KCNIP1: variants seen among roughly 807,000 people sequenced by gnomAD.
KCNIP1 encodes A-type potassium channel modulatory protein KCNIP1.
Under a neutral mutation model 33.0 loss-of-function variants are expected in KCNIP1, and 18 were observed. The ratio of observed to expected loss-of-function variants is 0.55; its 90% CI spans 0.38 to 0.81. KCNIP1 has a LOEUF of 0.81. KCNIP1 is among the 30% of genes least tolerant of loss of function. The pLI is 0.00. For synonymous variants in KCNIP1, 93 were observed against 98.3 expected, an observed-to-expected ratio of 0.95 and a Z score of 0.32; for missense variants, 238 against 271.6, an observed-to-expected ratio of 0.88 and a Z score of 0.87.
chr5:170,637,739 T>C (rs1760346668), intron 1 of KCNIP1, among the ~76,000 whole-genome samples: 3 of 152,112 alleles, frequency 2.0e-5, no homozygotes. Flanking sequence ...GCTCCTCCTG[T>C]TCGCGCTACA....
intron 1 of KCNIP1, among the ~76,000 whole-genome samples, chr5:170,563,164 C>T (rs970564018): frequency 3.9e-5 from 6 of 152,226 alleles, no homozygotes; most frequent in African/African-American, 1.4e-4. Context: ...CCCACTCCTC[C>T]AGAGTGCAGA....
At chr5:170,673,273 C>G (rs1368737630) in intron 1 of KCNIP1, among the ~76,000 whole-genome samples, 1 of 152,248 alleles carries the variant, frequency 6.6e-6, no homozygotes, top group Admixed American at 6.5e-5. Context: ...TGGAGTCAGA[C>G]AGACCTGAGT....
At chr5:170,494,044 C>G (rs1354965941) in intron 1 of KCNIP1, among the ~76,000 whole-genome samples, 1 of 152,166 alleles carries the variant, frequency 6.6e-6, no homozygotes, top group Non-Finnish European at 1.5e-5. Flanking sequence ...ACAGCAGATA[C>G]CCCAGGGACT....
chr5:170,563,865 C>T (rs1476011353), intron 1 of KCNIP1, among the ~76,000 whole-genome samples: 1 of 152,182 alleles, frequency 6.6e-6, no homozygotes, highest in African/African-American at 2.4e-5. Context: ...GTTTCCAACT[C>T]CTGACCTTGT....
At chr5:170,566,080 G>A (rs1757193632) in intron 1 of KCNIP1, among the ~76,000 whole-genome samples, 1 of 152,102 alleles carries the variant, frequency 6.6e-6, no homozygotes, top group Non-Finnish European at 1.5e-5. Context: ...CTAGGCTGGA[G>A]TGCAATGGTT....
chr5:170,711,849 A>G (rs377492453), intron 1 of KCNIP1, among the ~76,000 whole-genome samples: 54 of 114,792 alleles, frequency 4.7e-4, no homozygotes, highest in African/African-American at 1.7e-3. Context: ...AAACACTCCA[A>G]TGGATGCCCA....
At chr5:170,526,696 AC>A (rs1467215455) in intron 1 of KCNIP1, among the ~76,000 whole-genome samples, 1 of 117,294 alleles carries the variant, frequency 8.5e-6, no homozygotes, top group Non-Finnish European at 1.8e-5. Flanking sequence ...CCAACCTCTC[AC>A]CCATACCTTT....
At chr5:170,425,756 G>A (rs971792429) in intron 1 of KCNIP1, among the ~76,000 whole-genome samples, 1 of 152,188 alleles carries the variant, frequency 6.6e-6, no homozygotes, top group African/African-American at 2.4e-5. Context: ...TCCAGGTGAG[G>A]GCTCTGGGTG....
chr5:170,546,590 G>A (rs1213486616), intron 1 of KCNIP1, among the ~76,000 whole-genome samples: 3 of 152,148 alleles, frequency 2.0e-5, no homozygotes, highest in African/African-American at 4.8e-5. Flanking sequence ...GAAGAAAACT[G>A]TCAGGAGTTA....
chr5:170,587,919 A>G (rs1758060032), intron 1 of KCNIP1, among the ~76,000 whole-genome samples: 1 of 152,238 alleles, frequency 6.6e-6, no homozygotes, highest in East Asian at 1.9e-4. Flanking sequence ...TGTCCTTGCC[A>G]TCGCCAGCTC....
chr5:170,688,160 C>A (rs1285036094), intron 1 of KCNIP1, among the ~76,000 whole-genome samples: 2 of 152,168 alleles, frequency 1.3e-5, no homozygotes, highest in Non-Finnish European at 2.9e-5. Context: ...ACAGATGAGG[C>A]ACAGAGAAGT....
intron 1 of KCNIP1, among the ~76,000 whole-genome samples, chr5:170,686,343 T>G (rs1762536964): frequency 2.0e-5 from 3 of 147,606 alleles, no homozygotes; most frequent in Admixed American, 6.8e-5. Context: ...GGGAAAGAGG[T>G]GAGAATGAGA....
At chr5:170,592,608 T>C (rs1450457285) in intron 1 of KCNIP1, among the ~76,000 whole-genome samples, 1 of 152,236 alleles carries the variant, frequency 6.6e-6, no homozygotes, top group Non-Finnish European at 1.5e-5. Flanking sequence ...CTTCTCATCT[T>C]TGGCACAGTG....
chr5:170,653,048 C>T (rs1008438724), intron 1 of KCNIP1, among the ~76,000 whole-genome samples: 2 of 152,118 alleles, frequency 1.3e-5, no homozygotes, highest in Non-Finnish European at 2.9e-5. Context: ...ACAGCTGGGT[C>T]GGGGGAAGGA....
intron 1 of KCNIP1, among the ~76,000 whole-genome samples, chr5:170,458,511 C>T (rs1477029781): frequency 6.6e-6 from 1 of 152,152 alleles, no homozygotes; most frequent in African/African-American, 2.4e-5. Flanking sequence ...CAGCCAAAAC[C>T]CTACAAGCTA....
chr5:170,554,995 G>A (rs1240785571), intron 1 of KCNIP1, among the ~76,000 whole-genome samples: 3 of 152,194 alleles, frequency 2.0e-5, no homozygotes, highest in Non-Finnish European at 4.4e-5. Flanking sequence ...TGGCTGGCGA[G>A]GAATGGGCTC....
chr5:170,427,764 T>C (rs58093777), intron 1 of KCNIP1, among the ~76,000 whole-genome samples: 4,429 of 152,230 alleles, frequency 0.029, 149 homozygotes, highest in African/African-American at 0.082. Context: ...CCCTTCGCCT[T>C]CATCTCAAAG....
chr5:170,582,665 A>G (rs1757839643), intron 1 of KCNIP1, among the ~76,000 whole-genome samples: 1 of 152,146 alleles, frequency 6.6e-6, no homozygotes, highest in Non-Finnish European at 1.5e-5. Context: ...GGTGACTGAG[A>G]AGACCAAGGC....
At chr5:170,382,023 G>A (rs573729973) in intron 1 of KCNIP1, among the ~76,000 whole-genome samples, 9 of 151,974 alleles carry the variant, frequency 5.9e-5, no homozygotes, top group Middle Eastern at 3.4e-3. Context: ...CAGCCTCCAC[G>A]CCCCATCCCA....
Sources: allele counts gnomAD v4.1 joint callset (sites outside exome capture counted in the v4.1 genomes callset), GRCh38; gene constraint gnomAD v4.1.1; transcripts MANE v1.5; gene names NCBI Gene and HGNC (gene_info 2026-07-23, HGNC 2026-07-21).